SPOCK1: variants seen among roughly 807,000 people sequenced by gnomAD.
SPOCK1 encodes testican-1.
Under a neutral mutation model 55.3 loss-of-function variants are expected in SPOCK1, and 23 were observed. That is an observed-to-expected ratio of 0.42 (90% CI 0.30 to 0.59). SPOCK1 has a LOEUF of 0.59. Among genes scored for constraint, SPOCK1 ranks in the 20% least tolerant of loss-of-function variants. SPOCK1 has a pLI of 0.22. For synonymous variants in SPOCK1, 226 were observed against 221.0 expected, an observed-to-expected ratio of 1.02 and a Z score of -0.20; for missense variants, 499 against 552.5, an observed-to-expected ratio of 0.90 and a Z score of 0.97.
chr5:137,312,871 C>T (rs739695), intron 2 of SPOCK1, among the ~76,000 whole-genome samples: 33,954 of 152,140 alleles, frequency 0.22, 3,954 homozygotes, highest in African/African-American at 0.29. Context: ...GAGGACTTCT[C>T]TGAAGACTAA....
chr5:137,033,393 C>T (rs1198264562), intron 6 of SPOCK1, among the ~76,000 whole-genome samples: 1 of 152,248 alleles, frequency 6.6e-6, no homozygotes, highest in African/African-American at 2.4e-5. Context: ...TACCAAACCC[C>T]TATTCCTTTT....
intron 2 of SPOCK1, among the ~76,000 whole-genome samples, chr5:137,287,380 C>T (rs141640054): frequency 2.6e-5 from 4 of 152,204 alleles, no homozygotes; most frequent in African/African-American, 9.6e-5. Flanking sequence ...CATGCTCCTG[C>T]CTCAGGGCTC....
intron 3 of SPOCK1, among the ~76,000 whole-genome samples, chr5:137,151,266 T>C (rs1754314381): frequency 6.6e-6 from 1 of 152,178 alleles, no homozygotes; most frequent in African/African-American, 2.4e-5. Flanking sequence ...GTGCTGGAAT[T>C]ACAGGCTTGA....
chr5:137,262,608 C>T (rs1303208061), intron 3 of SPOCK1, among the ~76,000 whole-genome samples: 1 of 152,182 alleles, frequency 6.6e-6, no homozygotes, highest in Non-Finnish European at 1.5e-5. Context: ...AAACATCAGG[C>T]ATTTGGTAAC....
At chr5:137,233,713 C>CTTTTTTTTTTTTTTTTTTTTTTTTTT (rs56328555) in intron 3 of SPOCK1, among the ~76,000 whole-genome samples, 5 of 58,412 alleles carry the variant, frequency 8.6e-5, no homozygotes, top group African/African-American at 2.7e-4. Flanking sequence ...AGGATATGCA[C>CTTTTTTTTTTTTTTTTTTTTTTTTTT]TTTTTTTTTT....
intron 2 of SPOCK1, among the ~76,000 whole-genome samples, chr5:137,374,123 C>T (rs1380096125): frequency 6.6e-6 from 1 of 152,238 alleles, no homozygotes; most frequent in East Asian, 1.9e-4. Flanking sequence ...TAATTGTCAC[C>T]TATTGTTATT....
chr5:137,444,494 A>G (rs1753080440), intron 2 of SPOCK1, among the ~76,000 whole-genome samples: 1 of 152,166 alleles, frequency 6.6e-6, no homozygotes. Flanking sequence ...CAGATGTGCT[A>G]AGTCACAGCA....
chr5:137,061,092 T>G (rs1752386520), intron 6 of SPOCK1, among the ~76,000 whole-genome samples: 1 of 152,212 alleles, frequency 6.6e-6, no homozygotes, highest in Admixed American at 6.5e-5. Flanking sequence ...TGAATATGTA[T>G]CGAAAGGTTA....
Position 137,362,780 on chromosome 5 carries a change from AACAG to A in SPOCK1, c.187-95729_187-95726del, listed in dbSNP as rs1436980521. On this transcript the variant is annotated intron_variant, in intron 2 of 10. Transcript: ENST00000394945. ...TTGCCTTCAAATAAACCTCTATAAAAACAGACAGACAGGGCAGATTTGGCCTGAG... is the reference window on the plus strand; with the variant it reads ...TTGCCTTCAAATAAACCTCTATAAAAACAGACAGGGCAGATTTGGCCTGAG... Among the ~76,000 whole-genome samples, 4 of 152,298 alleles carry A rather than the reference AACAG, an allele frequency of 2.6e-5. No individual in the cohort carries two copies. The East Asian group carries it at 7.7e-4, about 29-fold the overall frequency.
At chr5:137,278,049 T>C (rs1001854030) in intron 2 of SPOCK1, among the ~76,000 whole-genome samples, 2 of 152,188 alleles carry the variant, frequency 1.3e-5, no homozygotes, top group Non-Finnish European at 2.9e-5. Flanking sequence ...TGGAAAACTA[T>C]GGCTGCAGGC....
chr5:137,075,028 CG>C lies in SPOCK1; in HGVS notation c.475-7200del. The stretch of plus-strand genomic sequence containing the variant: ...TAATTTTTGTATTTTTAGTACAGAC[CG>C]GGTTTCACCATGTTGGCCAGGCTGT... On this transcript the variant is annotated intron_variant, in intron 5 of 10. Coordinates refer to ENST00000394945, the MANE Select transcript of SPOCK1 (RefSeq NM_004598.4). Among the ~76,000 whole-genome samples, 5 of 151,968 alleles carry C rather than the reference CG, an allele frequency of 3.3e-5. No individual in the cohort carries two copies. In the Middle Eastern group the frequency reaches 0.017, roughly 520 times the overall value.
intron 3 of SPOCK1, among the ~76,000 whole-genome samples, chr5:137,264,725 T>G (rs1756811644): frequency 6.6e-6 from 1 of 152,174 alleles, no homozygotes; most frequent in Admixed American, 6.5e-5. Flanking sequence ...GATGAAACGC[T>G]CTACATCTTC....
rs1158340232 is a variant in SPOCK1, at chr5:137,069,503, G to A, written c.475-1674C>T. On this transcript the variant is annotated intron_variant, in intron 5 of 10. Coordinates refer to ENST00000394945, the MANE Select transcript of SPOCK1 (RefSeq NM_004598.4). ...AGCCATGTGGATGTGACTATGAGGT[G>A]AGGCAGGACACATGTCTCCATAGGG... Among the ~76,000 whole-genome samples the A allele has an allele frequency of 6.6e-5, 10 of 152,288 alleles. 1 individual carries two copies. The Middle Eastern group carries it at 0.021, about 313-fold the overall frequency.
At chr5:137,251,952 C>T (rs1561484651) in intron 3 of SPOCK1, among the ~76,000 whole-genome samples, 6 of 151,860 alleles carry the variant, frequency 4.0e-5, no homozygotes, top group Non-Finnish European at 1.5e-5. Flanking sequence ...CAGAGTCTTG[C>T]TCTGTTGCCC....
intron 3 of SPOCK1, among the ~76,000 whole-genome samples, chr5:137,211,185 G>T (rs761203887): frequency 6.6e-6 from 1 of 152,202 alleles, no homozygotes; most frequent in Admixed American, 6.5e-5. Flanking sequence ...CAGTTCCACA[G>T]TCTAGCTCCT....
intron 2 of SPOCK1, among the ~76,000 whole-genome samples, chr5:137,469,677 G>C (rs1332059631): frequency 6.6e-6 from 1 of 152,128 alleles, no homozygotes; most frequent in Non-Finnish European, 1.5e-5. Context: ...TTAAAGTTCA[G>C]TGCAACGTAC....
At chr5:137,179,682 G>A (rs1235886819) in intron 3 of SPOCK1, among the ~76,000 whole-genome samples, 2 of 152,258 alleles carry the variant, frequency 1.3e-5, no homozygotes, top group East Asian at 3.9e-4. Flanking sequence ...TCATTCCTGA[G>A]GTTGGGTAGC....
At chr5:137,101,171 A>C (rs1184485252) in intron 5 of SPOCK1, among the ~76,000 whole-genome samples, 2 of 152,232 alleles carry the variant, frequency 1.3e-5, no homozygotes, top group Admixed American at 6.5e-5. Flanking sequence ...CCTTTAAAGA[A>C]AAACAAAAGC....
chr5:137,375,573 C>T (rs186636725), intron 2 of SPOCK1, among the ~76,000 whole-genome samples: 43 of 152,170 alleles, frequency 2.8e-4, no homozygotes, highest in African/African-American at 8.2e-4. Flanking sequence ...TTTTTCTGTA[C>T]GTGTATTATA....
Sources: allele counts gnomAD v4.1 joint callset (sites outside exome capture counted in the v4.1 genomes callset), GRCh38; gene constraint gnomAD v4.1.1; transcripts MANE v1.5; gene names NCBI Gene and HGNC (gene_info 2026-07-23, HGNC 2026-07-21).